The following PUM3 variants were observed in gnomAD, a reference collection of about 807,000 sequenced individuals.
PUM3 encodes pumilio homolog 3.
PUM3 carries 91 observed loss-of-function variants against 84.0 expected under a neutral mutation model. The observed-to-expected ratio is 1.08, with a 90% CI of 0.91 to 1.29. The LOEUF is 1.29. Among genes scored for constraint, PUM3 ranks in the 50% most tolerant of loss-of-function variants. PUM3 has a pLI of 0.00. For synonymous variants in PUM3, 321 were observed against 266.7 expected, an observed-to-expected ratio of 1.20 and a Z score of -1.98; for missense variants, 1,067 against 767.5, an observed-to-expected ratio of 1.39 and a Z score of -4.61.
chr9:2,811,822 G>C (rs1660547802), intron 14 of PUM3, among the ~76,000 whole-genome samples: 1 of 143,784 alleles, frequency 7.0e-6, no homozygotes, highest in South Asian at 2.2e-4. Flanking sequence ...AATAAAGGGA[G>C]TCTGACTTGT....
intron 10 of PUM3, 50 bp from the exon 11 acceptor site, chr9:2,824,865 TCTA>T (rs1489900120): frequency 7.6e-7 from 1 of 1,307,736 alleles, no homozygotes; most frequent in African/African-American, 1.5e-5. Flanking sequence ...TTTTCTTCTT[TCTA>T]CTGTTTTATC....
Position 2,831,361 on chromosome 9 carries a change from G to T in PUM3, c.517-17C>A. 6.7e-7 allele frequency: 1 copy of T among 1,495,956 alleles called. No individual in the cohort carries two copies. The highest frequency in any genetic ancestry group is 9.3e-7 in the Non-Finnish European group (1 of 1,078,830). The allele number at this position is 1,495,956 out of a possible 1,614,324, so 92.7% of individuals were successfully genotyped here. On this transcript the variant is annotated splice_polypyrimidine_tract_variant and intron_variant, in intron 5 of 17. Coordinates refer to ENST00000397885, the MANE Select transcript of PUM3 (RefSeq NM_014878.5). The stretch of plus-strand genomic sequence containing the variant: ...AAATGCAATCTGCAGGAAAAAGTTT[G>T]AGTTAGACTAATTCTCTTTTGAGAC...
chr9:2,813,855 C>T (rs1339845059), intron 13 of PUM3, among the ~76,000 whole-genome samples: 3 of 152,154 alleles, frequency 2.0e-5, no homozygotes, highest in Admixed American at 2.0e-4. Context: ...CAGTAGCTAA[C>T]ACTCGTTAAG....
intron 1 of PUM3, 133 bp from the exon 2 acceptor site, chr9:2,838,650 A>T: frequency 1.7e-6 from 1 of 590,708 alleles, no homozygotes; most frequent in Non-Finnish European, 3.0e-6. Flanking sequence ...TATAGAATGG[A>T]CAAGTACTTA....
intron 3 of PUM3, among the ~76,000 whole-genome samples, chr9:2,836,604 C>T (rs930990163): frequency 1.3e-5 from 2 of 152,184 alleles, no homozygotes; most frequent in African/African-American, 4.8e-5. Context: ...AACACCTTCT[C>T]TGGAACTACT....
At chr9:2,812,949 T>C (rs370998077) in intron 13 of PUM3, among the ~76,000 whole-genome samples, 9 of 152,186 alleles carry the variant, frequency 5.9e-5, no homozygotes, top group Admixed American at 3.9e-4. Context: ...AGAATTTCCC[T>C]GCTGAGATGT....
chr9:2,831,633 C>G (rs556523628), intron 5 of PUM3, among the ~76,000 whole-genome samples: 2 of 152,258 alleles, frequency 1.3e-5, no homozygotes, highest in East Asian at 3.9e-4. Context: ...ACCAAACCAT[C>G]TGATGATTAT....
At chr9:2,830,083 G>C in intron 7 of PUM3, 135 bp from the exon 8 acceptor site, 1 of 669,384 alleles carries the variant, frequency 1.5e-6, no homozygotes, top group Non-Finnish European at 2.5e-6. Flanking sequence ...AGCATGCATT[G>C]AGAAGCTGTG....
In PUM3 at chr9:2,829,826, T is replaced by G; in HGVS notation, c.800A>C (p.Gln267Pro). 6.2e-7 allele frequency: 1 copy of G among 1,614,208 alleles called. No homozygotes were observed. Reference protein sequence around the residue: ...YAYNDKAILEQRNMLTEELYG... With the variant: ...YAYNDKAILEPRNMLTEELYG... Reference sequence around the variant, plus strand: ...GAGCTCTTCCGTCAGCATGTTCCTCTGCTCCAAAATGGCTTTGTCATTGTA... The same window carrying G: ...GAGCTCTTCCGTCAGCATGTTCCTCGGCTCCAAAATGGCTTTGTCATTGTA... Residue 267 changes from glutamine (Q) to proline (P), a missense_variant, in exon 8 of 18, where the codon CAG (glutamine) becomes CCG (proline). Gln to Pro is a moderately conservative substitution (Grantham distance 76, BLOSUM62 -1). Transcript: ENST00000397885.
intron 10 of PUM3, 35 bp from the exon 11 acceptor site, chr9:2,824,850 C>CT: frequency 1.5e-6 from 2 of 1,377,492 alleles, no homozygotes; most frequent in Non-Finnish European, 2.0e-6. Context: ...CAGGGCTCTG[C>CT]TTTATTTTCT....
chr9:2,824,956 G>C (rs1815771559), intron 10 of PUM3, 141 bp from the exon 11 acceptor site: 1 of 455,522 alleles, frequency 2.2e-6, no homozygotes, highest in African/African-American at 2.0e-5. Context: ...TCATTTTGTA[G>C]ACAATCAAAC....
intron 1 of PUM3, among the ~76,000 whole-genome samples, chr9:2,842,484 T>C (rs2129901470): frequency 6.6e-6 from 1 of 152,314 alleles, no homozygotes; most frequent in East Asian, 1.9e-4. Context: ...ATCAGAATAG[T>C]GAAGTTTAAA....
At chr9:2,813,684 G>C (rs1418304980) in intron 13 of PUM3, among the ~76,000 whole-genome samples, 2 of 152,220 alleles carry the variant, frequency 1.3e-5, no homozygotes, top group African/African-American at 4.8e-5. Context: ...GAGGAACCAA[G>C]CTCAAAATCA....
chr9:2,827,464 G>A (rs1002175583), intron 9 of PUM3, among the ~76,000 whole-genome samples: 6 of 152,070 alleles, frequency 3.9e-5, no homozygotes, highest in Non-Finnish European at 8.8e-5. Context: ...TTTTCCCCCA[G>A]CACTGGACAT....
chr9:2,830,503 T>C (rs1815947137), intron 7 of PUM3, among the ~76,000 whole-genome samples: 1 of 152,230 alleles, frequency 6.6e-6, no homozygotes, highest in Non-Finnish European at 1.5e-5. Flanking sequence ...ACCCTCTTAA[T>C]ACTGGTGGCT....
At position 2,817,510 on chromosome 9, in the gene PUM3, C is replaced by A. The variant is rs59152931; in HGVS notation, c.1269+2508G>T. 5.6e-3 allele frequency among the ~76,000 whole-genome samples: 855 copies of A among 152,028 alleles called. 29 individuals carry two copies. The highest frequency in any genetic ancestry group is 0.052 in the Admixed American group (792 of 15,266). ...GACCCCTGACAATAAATCTCACAAA[C>A]ATGAGAAAAGAAAAAAAGCAAGATG... is the stretch of plus-strand genomic sequence containing the variant. On this transcript the variant is annotated intron_variant, in intron 13 of 17. Coordinates refer to ENST00000397885, the MANE Select transcript of PUM3 (RefSeq NM_014878.5).
intron 13 of PUM3, among the ~76,000 whole-genome samples, chr9:2,813,639 C>T (rs745564676): frequency 6.6e-5 from 10 of 152,086 alleles, no homozygotes; most frequent in Non-Finnish European, 1.2e-4. Context: ...CTTAAAAGGG[C>T]CTATTTATTA....
At position 2,812,240 on chromosome 9, in the gene PUM3, T is replaced by C. The variant is rs775367774; in HGVS notation, c.1392A>G (p.Lys464=). The change falls in exon 14 of 18, where the codon AAA becomes AAG. Residue 464 remains lysine, a synonymous_variant. Transcript: ENST00000397885. ...TVREIIEVLQ[K]GDGNAHSKKD... The stretch of plus-strand genomic sequence containing the variant: ...TTTACCTGTGTGCATTTCCATCTCC[T>C]TTTTGCAGAACTTCAATGATTTCTC... The C allele has an allele frequency of 1.1e-5, 18 of 1,613,812 alleles. No homozygotes were observed. The highest frequency in any genetic ancestry group is 3.3e-4 in the Middle Eastern group (2 of 6,058).
intron 3 of PUM3, among the ~76,000 whole-genome samples, chr9:2,835,088 C>T (rs1437911344): frequency 6.6e-6 from 1 of 151,788 alleles, no homozygotes; most frequent in Non-Finnish European, 1.5e-5. Context: ...TTTCCCCTTG[C>T]TTCTTCTCCA....
Sources: allele counts gnomAD v4.1 joint callset (sites outside exome capture counted in the v4.1 genomes callset), GRCh38; gene constraint gnomAD v4.1.1; transcripts MANE v1.5; gene names NCBI Gene and HGNC (gene_info 2026-07-23, HGNC 2026-07-21).